Variants in OSBPL11 observed in about 807,000 individuals in gnomAD.
OSBPL11 encodes oxysterol-binding protein-related protein 11.
Under a neutral mutation model 84.4 loss-of-function variants are expected in OSBPL11, and 33 were observed. The ratio of observed to expected loss-of-function variants is 0.39; its 90% confidence interval spans 0.30 to 0.52. The LOEUF is 0.52. Ranked by LOEUF, OSBPL11 falls within the 20% of genes least tolerant of loss-of-function variation. The probability of loss-of-function intolerance (pLI) is 0.72; values close to 1 mark genes in which losing one functional copy is unlikely to be tolerated. For missense variants in OSBPL11, 736 were observed against 901.1 expected (o/e 0.82, Z 2.35); for synonymous variants, 276 against 310.2 (o/e 0.89, Z 1.16).
chr3:125,557,300 T>G (rs1053245943), intron 8 of OSBPL11, among the ~76,000 whole-genome samples: 2 of 152,236 alleles, frequency 1.3e-5, no homozygotes, highest in Non-Finnish European at 2.9e-5. Context: ...AGGGGCCCAG[T>G]AAATATTTGT....
chr3:125,535,831 G>T (rs1935633535), intron 11 of OSBPL11, among the ~76,000 whole-genome samples: 1 of 151,554 alleles, frequency 6.6e-6, no homozygotes, highest in African/African-American at 2.4e-5. Flanking sequence ...TTGATTTAAA[G>T]TATATATAGG....
intron 6 of OSBPL11, among the ~76,000 whole-genome samples, chr3:125,566,268 A>C (rs1936155937): frequency 6.6e-6 from 1 of 152,134 alleles, no homozygotes; most frequent in South Asian, 2.1e-4. Flanking sequence ...AGCTGCCCAA[A>C]GTGCTGAGAT....
chr3:125,581,467 G>A (rs141127592), intron 2 of OSBPL11, among the ~76,000 whole-genome samples: 10,159 of 151,348 alleles, frequency 0.067, 468 homozygotes, highest in Non-Finnish European at 0.098. Context: ...AGGCCAAGGC[G>A]GGTGGACTGC....
At position 125,560,490 on chromosome 3, in the gene OSBPL11, C is replaced by T. The variant is rs1202066000; in HGVS notation, c.1044G>A (p.Glu348=). 20 of 1,591,264 alleles carry T rather than the reference C, an allele frequency of 1.3e-5. No individual in the cohort carries two copies. The East Asian group carries it at 4.1e-4, about 33-fold the overall frequency. The change falls in exon 8 of 13, where the codon GAG becomes GAA. Residue 348 remains glutamate, a synonymous_variant. Transcript: ENST00000296220. ...REPEEINADD[E]IEDTCDHKED... ...CTTTGTGGTCACATGTATCCTCTAT[C>T]TCATCATCTGCATTTATTTCTTCAG...
Position 125,576,214 on chromosome 3 carries a change from G to A in OSBPL11, c.641C>T (p.Pro214Leu). The A allele has an allele frequency of 6.2e-7, 1 of 1,608,756 alleles. No individual in the cohort carries two copies. The highest frequency in any genetic ancestry group is 8.5e-7 in the Non-Finnish European group (1 of 1,178,596). The change falls in exon 5 of 13, where the codon CCA becomes CTA. Residue 214 changes from proline to leucine, a missense_variant. Pro to Leu is a moderately conservative substitution (Grantham distance 98). Transcript: ENST00000296220. ...QSLSKRTNLP[P>L]DHLVEVREMM... Reference sequence around the variant, plus strand: ...TTCTCTGACTTCCACAAGATGGTCTGGAGGTAAATTAGTTCTTTTGCTCAG... The same window carrying A: ...TTCTCTGACTTCCACAAGATGGTCTAGAGGTAAATTAGTTCTTTTGCTCAG...
chr3:125,571,202 A>G (rs546303890), intron 5 of OSBPL11, among the ~76,000 whole-genome samples: 32 of 152,322 alleles, frequency 2.1e-4, no homozygotes, highest in Middle Eastern at 6.8e-3. Context: ...GATCTGTGAA[A>G]CTTTGAACTT....
chr3:125,582,465 G>A (rs935540), intron 2 of OSBPL11, among the ~76,000 whole-genome samples: 1 of 152,250 alleles, frequency 6.6e-6, no homozygotes, highest in African/African-American at 2.4e-5. Context: ...ATTCTATAAA[G>A]TATTTGAGAT....
chr3:125,533,823 C>T (rs1387509189), intron 11 of OSBPL11, among the ~76,000 whole-genome samples: 5 of 152,144 alleles, frequency 3.3e-5, no homozygotes, highest in Non-Finnish European at 7.4e-5. Context: ...ATTTTAATAA[C>T]CAATCTCAAT....
rs72979721 is a variant in OSBPL11, at chr3:125,541,279, C to T, written c.1842-2646G>A. 8.7e-3 allele frequency among the ~76,000 whole-genome samples: 1,317 copies of T among 152,208 alleles called. 14 individuals are homozygous for T. Among genetic ancestry groups the T allele is most frequent in the African/African-American group, 0.029 (1,223 of 41,530 alleles). On this transcript the variant is annotated intron_variant, in intron 10 of 12. Transcript: ENST00000296220. ...TGGAATGGGTCTCATCTCTATAGCC[C>T]CAGATAGCACTTAGCAGAATGCCTG...
chr3:125,552,189 A>C lies in OSBPL11; in HGVS notation c.1646T>G (p.Val549Gly). ...FLGMSIGVTM[V>G]GEGILSLLEH... is the part of the protein sequence containing the mutation. ...ATAATTTTTCTACTTACCTTCTCCA[A>C]CCATTGTCACGCCTATTGACATGCC... The change falls in exon 9 of 13, where the codon GTT (valine) becomes GGT (glycine). Residue 549 changes from valine (V) to glycine (G), a missense_variant. By Grantham distance (109) the Val-to-Gly change is moderately radical. Around this residue, in one of 3 missense-constraint regions of OSBPL11, gnomAD observed 579 missense variants for 717.6 expected, o/e 0.81. Transcript: ENST00000296220. 1 of 1,562,708 alleles carries C rather than the reference A, an allele frequency of 6.4e-7. No homozygotes were observed. The highest frequency in any genetic ancestry group is 8.6e-7 in the Non-Finnish European group (1 of 1,158,458).
At position 125,553,507 on chromosome 3, in the gene OSBPL11, G is replaced by A. The variant is rs376788886; in HGVS notation, c.1156-828C>T. ...AGATAAATATTTTACTTAAAGCAGAGTTGGGAGAGGCACTGCAAAATGGTT... is the reference window on the plus strand; with the variant it reads ...AGATAAATATTTTACTTAAAGCAGAATTGGGAGAGGCACTGCAAAATGGTT... On this transcript the variant is annotated intron_variant, in intron 8 of 12. Transcript: ENST00000296220. Among the ~76,000 whole-genome samples the A allele has an allele frequency of 7.9e-5, 12 of 152,330 alleles. No individual in the cohort carries two copies. In the East Asian group the frequency reaches 1.3e-3, roughly 17 times the overall value.
At chr3:125,577,492 T>C (rs2107607794) in intron 4 of OSBPL11, among the ~76,000 whole-genome samples, 1 of 152,262 alleles carries the variant, frequency 6.6e-6, no homozygotes, top group Non-Finnish European at 1.5e-5. Flanking sequence ...CCATAATAAT[T>C]TTTTTAAAGG....
chr3:125,530,450 C>A lies in OSBPL11; in HGVS notation c.*65G>T. 1.4e-6 allele frequency: 2 copies of A among 1,439,560 alleles called. No individual in the cohort carries two copies. The highest frequency in any genetic ancestry group is 3.4e-5 in the Admixed American group (2 of 58,778). The allele number at this position is 1,439,560 out of a possible 1,614,324, so 89.2% of individuals were successfully genotyped here. A position where few individuals can be genotyped will look rare whatever the true frequency, so the allele number is the denominator to read the frequency against. ...AGCAGGTCACTCAGTGCAATGACTC[C>A]ATTCTGGGAGGATTTAGGGTAAACA... On this transcript the variant is annotated 3_prime_UTR_variant, in exon 13 of 13. Transcript: ENST00000296220.
At chr3:125,534,209 C>T (rs1262743259) in intron 11 of OSBPL11, among the ~76,000 whole-genome samples, 1 of 151,882 alleles carries the variant, frequency 6.6e-6, no homozygotes, top group East Asian at 1.9e-4. Context: ...GGTGAAACCC[C>T]ATCTCTACTA....
At chr3:125,575,556 G>T (rs1261847520) in intron 5 of OSBPL11, among the ~76,000 whole-genome samples, 2 of 151,308 alleles carry the variant, frequency 1.3e-5, no homozygotes, top group Non-Finnish European at 2.9e-5. Context: ...TTGAGACAGG[G>T]TTTCACTCTG....
At chr3:125,562,142 A>G (rs933041930) in intron 7 of OSBPL11, among the ~76,000 whole-genome samples, 8 of 152,100 alleles carry the variant, frequency 5.3e-5, no homozygotes, top group Admixed American at 4.6e-4. Context: ...ACCCGACTCA[A>G]TATGTCTTCT....
At chr3:125,585,529 G>C (rs1394428908) in intron 1 of OSBPL11, among the ~76,000 whole-genome samples, 20 of 111,058 alleles carry the variant, frequency 1.8e-4, no homozygotes, top group African/African-American at 3.4e-4. Context: ...TAAAGAGTTA[G>C]CTTTCTGAAA....
intron 11 of OSBPL11, among the ~76,000 whole-genome samples, chr3:125,533,343 C>G (rs1443081305): frequency 2.0e-5 from 3 of 151,802 alleles, no homozygotes; most frequent in Non-Finnish European, 4.4e-5. Context: ...TCCTGCCTCA[C>G]TTTCTTGAGT....
chr3:125,586,922 C>T (rs1936521065), intron 1 of OSBPL11, among the ~76,000 whole-genome samples: 1 of 152,154 alleles, frequency 6.6e-6, no homozygotes, highest in Non-Finnish European at 1.5e-5. Context: ...AAAACAATTA[C>T]TCAATACCTA....
Sources: gnomAD v4.1 joint callset for allele counts (sites outside exome capture counted in the v4.1 genomes callset) on GRCh38, gnomAD v4.1.1 for gene constraint, gnomAD v4.1.1 regional missense constraint, MANE v1.5 for transcripts, NCBI Gene and HGNC (gene_info 2026-07-23, HGNC 2026-07-21) for gene names.